The following RABGAP1L variants were observed in gnomAD, a reference collection of about 807,000 sequenced individuals.
The protein encoded by RABGAP1L is rab GTPase-activating protein 1-like.
A neutral mutation model predicts 137.7 loss-of-function variants in RABGAP1L; 63 were observed. The observed-to-expected ratio is 0.46, with a 90% CI of 0.37 to 0.56. The LOEUF (loss-of-function observed/expected upper bound fraction) is 0.56, where lower values mean the gene tolerates loss of function less well. Ranked by LOEUF, RABGAP1L falls within the 20% of genes least tolerant of loss-of-function variation. RABGAP1L has a pLI of 0.00. For missense variants in RABGAP1L, 1,095 were observed against 1,244.0 expected (o/e 0.88, Z 1.80); for synonymous variants, 431 against 433.7 (o/e 0.99, Z 0.08).
intron 13 of RABGAP1L, among the ~76,000 whole-genome samples, chr1:174,621,710 G>T (rs183629979): frequency 3.2e-4 from 49 of 152,206 alleles, no homozygotes; most frequent in African/African-American, 1.1e-3. Context: ...ATTCAAGATG[G>T]ATTAAAGACT....
intron 19 of RABGAP1L, chr1:174,877,711 T>C: frequency 8.9e-7 from 1 of 1,122,234 alleles, no homozygotes; most frequent in Non-Finnish European, 1.3e-6. Flanking sequence ...CTTTGTGTTA[T>C]GTCTACAGGT....
intron 13 of RABGAP1L, among the ~76,000 whole-genome samples, chr1:174,542,589 C>T (rs1254895001): frequency 3.3e-5 from 5 of 151,924 alleles, no homozygotes; most frequent in East Asian, 3.9e-4. Flanking sequence ...GTGTCTCTAT[C>T]TCCTTCATTT....
chr1:174,774,404 A>G (rs1686358925), intron 18 of RABGAP1L, among the ~76,000 whole-genome samples: 1 of 152,192 alleles, frequency 6.6e-6, no homozygotes, highest in African/African-American at 2.4e-5. Context: ...CAGCCTGGGC[A>G]ACATAGTGAG....
chr1:174,671,765 C>T (rs990330188), intron 14 of RABGAP1L, among the ~76,000 whole-genome samples: 2 of 151,998 alleles, frequency 1.3e-5, no homozygotes, highest in Non-Finnish European at 2.9e-5. Context: ...CTGTAGTTTT[C>T]TTTTTTTGTT....
chr1:174,238,622 C>G (rs12090946), intron 4 of RABGAP1L, among the ~76,000 whole-genome samples: 81,606 of 147,400 alleles, frequency 0.55, 24,472 homozygotes, highest in African/African-American at 0.81. Flanking sequence ...GCAGTCTGCC[C>G]GTTCTCAGAT....
rs531224042 is a variant in RABGAP1L at position 174,889,481 on chromosome 1, C to T, written c.2341-67976C>T. Among the ~76,000 whole-genome samples the T allele has an allele frequency of 4.6e-5, 7 of 152,120 alleles. No individual in the cohort carries two copies. In the East Asian group the frequency reaches 7.7e-4, roughly 17 times the overall value. On this transcript the variant is annotated intron_variant, in intron 19 of 25. Transcript: ENST00000681986. ...TGTTACCCAGTCTGGAGTGCAGTGGCGTGATAATGGCTCACTGCAGCCTCG... is the reference window on the plus strand; with the variant it reads ...TGTTACCCAGTCTGGAGTGCAGTGGTGTGATAATGGCTCACTGCAGCCTCG...
chr1:174,615,391 A>G (rs10912816), intron 13 of RABGAP1L, among the ~76,000 whole-genome samples: 1 of 151,838 alleles, frequency 6.6e-6, no homozygotes, highest in Non-Finnish European at 1.5e-5. Context: ...AGAACTGCGG[A>G]TTTTCGTGAA....
chr1:174,471,456 G>T (rs1657925365), intron 13 of RABGAP1L, among the ~76,000 whole-genome samples: 1 of 152,070 alleles, frequency 6.6e-6, no homozygotes, highest in Admixed American at 6.6e-5. Flanking sequence ...TAGAAATTTT[G>T]CCACATTAAG....
rs1368331477 is a variant in RABGAP1L, at chr1:174,836,468, C to T, written c.2340+24508C>T. Among the ~76,000 whole-genome samples the T allele has an allele frequency of 2.6e-5, 4 of 152,192 alleles. No homozygotes were observed. In the East Asian group the frequency reaches 7.7e-4, roughly 29 times the overall value. On this transcript the variant is annotated intron_variant, in intron 19 of 25. Coordinates refer to ENST00000681986, the MANE Select transcript of RABGAP1L (RefSeq NM_001366446.1). ...ACTTGATGACAATCTTGATCTCTCT[C>T]TTCTTGCCCAGTTTAATAATCAAGT...
intron 1 of RABGAP1L, among the ~76,000 whole-genome samples, chr1:174,164,917 G>C (rs1479863712): frequency 6.6e-6 from 1 of 152,134 alleles, no homozygotes; most frequent in African/African-American, 2.4e-5. Flanking sequence ...CAAAGCCAGG[G>C]CTCTGGACTC....
At chr1:174,859,102 C>T (rs936158049) in intron 19 of RABGAP1L, among the ~76,000 whole-genome samples, 1 of 152,160 alleles carries the variant, frequency 6.6e-6, no homozygotes, top group African/African-American at 2.4e-5. Context: ...TATAAAGACA[C>T]ATGCATGCGT....
intron 19 of RABGAP1L, among the ~76,000 whole-genome samples, chr1:174,899,234 A>G (rs1657734225): frequency 6.6e-6 from 1 of 152,232 alleles, no homozygotes; most frequent in Non-Finnish European, 1.5e-5. Flanking sequence ...GACAAAAAAA[A>G]TGCTTAAAGA....
At chr1:174,942,608 A>C (rs2149296332) in intron 19 of RABGAP1L, among the ~76,000 whole-genome samples, 1 of 152,348 alleles carries the variant, frequency 6.6e-6, no homozygotes, top group Non-Finnish European at 1.5e-5. Context: ...AATGAAGATG[A>C]TAGAACAGCA....
chr1:174,935,355 T>C (rs138381469), intron 19 of RABGAP1L: 42 of 152,294 alleles, frequency 2.8e-4, no homozygotes, highest in African/African-American at 9.4e-4. Context: ...ACTTCTGACT[T>C]TTTCCAGACA....
At chr1:174,771,732 T>TA (rs1050702543) in intron 18 of RABGAP1L, among the ~76,000 whole-genome samples, 33 of 152,260 alleles carry the variant, frequency 2.2e-4, no homozygotes, top group African/African-American at 6.0e-4. Flanking sequence ...TGGATCTATG[T>TA]AAAAAAAATC....
intron 19 of RABGAP1L, among the ~76,000 whole-genome samples, chr1:174,851,209 A>G (rs1257290849): frequency 1.3e-5 from 2 of 152,254 alleles, no homozygotes; most frequent in East Asian, 3.9e-4. Flanking sequence ...AGAAACTAAT[A>G]GAGCAAAATT....
intron 12 of RABGAP1L, among the ~76,000 whole-genome samples, chr1:174,386,060 T>G (rs1401564638): frequency 3.9e-5 from 6 of 152,094 alleles, no homozygotes; most frequent in Admixed American, 3.9e-4. Context: ...GTAGGATAAT[T>G]TGATGAATAG....
intron 13 of RABGAP1L, among the ~76,000 whole-genome samples, chr1:174,461,128 A>T (rs1656639124): frequency 6.6e-6 from 1 of 152,126 alleles, no homozygotes; most frequent in African/African-American, 2.4e-5. Context: ...CCACCTAGAT[A>T]TTGCGTTTGA....
intron 1 of RABGAP1L, among the ~76,000 whole-genome samples, chr1:174,184,349 G>C (rs1343328735): frequency 2.0e-5 from 3 of 152,182 alleles, no homozygotes; most frequent in South Asian, 2.1e-4. Flanking sequence ...TAAAGCTGCT[G>C]TAAATATCCA....
Sources: gnomAD v4.1 joint callset for allele counts (sites outside exome capture counted in the v4.1 genomes callset) on GRCh38, gnomAD v4.1.1 for gene constraint, MANE v1.5 for transcripts, NCBI Gene and HGNC (gene_info 2026-07-23, HGNC 2026-07-21) for gene names.